ASPH: variants seen among roughly 807,000 people sequenced by gnomAD.
The protein encoded by ASPH is aspartyl/asparaginyl beta-hydroxylase.
In ASPH, 100 loss-of-function variants were observed where a neutral mutation model predicts 118.4. The observed-to-expected ratio is 0.84, with a 90% confidence interval of 0.72 to 1.00. The LOEUF (loss-of-function observed/expected upper bound fraction) is 1.00. Among genes scored for constraint, ASPH ranks in the 50% least tolerant of loss-of-function variants. ASPH has a pLI of 0.00. For missense variants in ASPH, 920 were observed against 919.5 expected, an observed-to-expected ratio of 1.00 and a Z score of -0.01; for synonymous variants, 315 against 325.6, an observed-to-expected ratio of 0.97 and a Z score of 0.35.
At chr8:61,512,311 T>A (rs956673524) in intron 24 of ASPH, among the ~76,000 whole-genome samples, 1 of 152,148 alleles carries the variant, frequency 6.6e-6, no homozygotes, top group Non-Finnish European at 1.5e-5. Context: ...TGAGATGAGA[T>A]CAACCTGGAT....
At chr8:61,668,301 A>G in intron 3 of ASPH, 1 of 1,589,956 alleles carries the variant, frequency 6.3e-7, no homozygotes, top group South Asian at 1.1e-5. Flanking sequence ...AGATGAAAAT[A>G]GGTTATAAAC....
chr8:61,641,106 T>A (rs1334436680), intron 10 of ASPH, among the ~76,000 whole-genome samples: 2 of 152,216 alleles, frequency 1.3e-5, no homozygotes. Context: ...ATGTTCTATA[T>A]AACAAAGAAA....
chr8:61,579,921 AAAAAAAAAAAAT>A (rs1325246949), intron 15 of ASPH, among the ~76,000 whole-genome samples: 6 of 149,636 alleles, frequency 4.0e-5, no homozygotes, highest in African/African-American at 7.3e-5. Context: ...AAAAAAAAAA[AAAAAAAAAAAAT>A]GGGAGAAATT....
intron 13 of ASPH, among the ~76,000 whole-genome samples, chr8:61,628,843 G>A (rs1854220789): frequency 1.3e-5 from 2 of 152,140 alleles, no homozygotes; most frequent in South Asian, 4.1e-4. Flanking sequence ...ATCTTCACTG[G>A]CCAGCACAGA....
chr8:61,682,952 A>C (rs190980872), intron 2 of ASPH, among the ~76,000 whole-genome samples: 63 of 152,268 alleles, frequency 4.1e-4, no homozygotes, highest in Non-Finnish European at 1.0e-4. Context: ...CAAAAAGTGG[A>C]AACAACCCAA....
chr8:61,674,562 G>A (rs1824305436), intron 3 of ASPH, among the ~76,000 whole-genome samples: 1 of 152,160 alleles, frequency 6.6e-6, no homozygotes, highest in South Asian at 2.1e-4. Flanking sequence ...TCCAAAAGTA[G>A]CTACAGAATG....
At chr8:61,563,926 C>A (rs796623210) in intron 17 of ASPH, among the ~76,000 whole-genome samples, 2 of 152,322 alleles carry the variant, frequency 1.3e-5, no homozygotes, top group African/African-American at 4.8e-5. Flanking sequence ...ACCACCATGT[C>A]ATTTTCACTA....
chr8:61,543,007 AT>A (rs2130636635), intron 21 of ASPH, among the ~76,000 whole-genome samples: 1 of 152,300 alleles, frequency 6.6e-6, no homozygotes, highest in African/African-American at 2.4e-5. Context: ...CAAGAATCTC[AT>A]TTTATTTGAT....
chr8:61,629,666 A>G lies in ASPH; in HGVS notation c.934+4017T>C, dbSNP rs551889639. Among the ~76,000 whole-genome samples the G allele has an allele frequency of 7.9e-5, 12 of 152,370 alleles. No homozygotes were observed. In the East Asian group the frequency reaches 2.3e-3, roughly 29 times the overall value. On this transcript the variant is annotated intron_variant, in intron 13 of 24. Transcript: ENST00000379454. Reference sequence around the variant, plus strand: ...AAACTACTGGACAACTTACTTTTCTACTATACATCATAACTCAACCTTTGA... The same window carrying G: ...AAACTACTGGACAACTTACTTTTCTGCTATACATCATAACTCAACCTTTGA...
rs546804681 is a variant in ASPH, at chr8:61,512,997, A to C, written c.2126+4531T>G. ...AATTTGAAATAATAATTTCATTTACAGTGGTAAGGGCTGCATACCTGCCAG... is the reference window on the plus strand; with the variant it reads ...AATTTGAAATAATAATTTCATTTACCGTGGTAAGGGCTGCATACCTGCCAG... On this transcript the variant is annotated intron_variant, in intron 24 of 24. Coordinates refer to ENST00000379454, the MANE Select transcript of ASPH (RefSeq NM_004318.4). Among the ~76,000 whole-genome samples, 104 of 152,348 alleles carry C rather than the reference A, an allele frequency of 6.8e-4. 1 individual carries two copies. Among genetic ancestry groups the C allele is most frequent in the African/African-American group, 2.4e-3 (101 of 41,576 alleles).
chr8:61,616,664 T>G (rs1315165069), intron 14 of ASPH, among the ~76,000 whole-genome samples: 1 of 152,206 alleles, frequency 6.6e-6, no homozygotes. Context: ...TGCTCCAGCT[T>G]CTTGGGCCCT....
At chr8:61,569,097 C>T (rs1286166082) in intron 16 of ASPH, among the ~76,000 whole-genome samples, 2 of 152,110 alleles carry the variant, frequency 1.3e-5, no homozygotes, top group Admixed American at 6.6e-5. Flanking sequence ...GGAGGGAAGG[C>T]AGAACATACA....
At chr8:61,652,369 C>T (rs773853255) in intron 4 of ASPH, among the ~76,000 whole-genome samples, 3 of 152,196 alleles carry the variant, frequency 2.0e-5, no homozygotes, top group Non-Finnish European at 2.9e-5. Context: ...AATACCTCCA[C>T]AACTGAGTCC....
chr8:61,617,925 G>A (rs1265509601), intron 14 of ASPH, among the ~76,000 whole-genome samples: 4 of 103,018 alleles, frequency 3.9e-5, no homozygotes, highest in Non-Finnish European at 5.6e-5. Flanking sequence ...ATAGTGAGAC[G>A]CCATCTCAAA....
chr8:61,662,848 T>C lies in ASPH; in HGVS notation c.323-9188A>G, dbSNP rs1817619482. 4.1e-6 allele frequency: 4 copies of C among 983,520 alleles called. No individual in the cohort carries two copies. The African/African-American group carries it at 5.2e-5, about 13-fold the overall frequency. 60.9% of individuals were successfully genotyped at this position (983,520 alleles called of 1,614,324 possible). ...TTCAAAGTACTTTACTAAATAGCAATAGACAATTCTTATGTGCTTTTGATG... is the reference window on the plus strand; with the variant it reads ...TTCAAAGTACTTTACTAAATAGCAACAGACAATTCTTATGTGCTTTTGATG... On this transcript the variant is annotated intron_variant, in intron 3 of 24. Transcript: ENST00000379454.
At chr8:61,658,366 G>C (rs1814892778) in intron 3 of ASPH, 4 of 152,202 alleles carry the variant, frequency 2.6e-5, no homozygotes, top group Admixed American at 2.0e-4. Context: ...CTGCCAATAA[G>C]GTTCCCAAGA....
chr8:61,559,348 G>A (rs1369510344), intron 18 of ASPH, among the ~76,000 whole-genome samples: 1 of 152,150 alleles, frequency 6.6e-6, no homozygotes, highest in African/African-American at 2.4e-5. Flanking sequence ...AGTTTTTGGG[G>A]AGTCAAAATG....
intron 12 of ASPH, among the ~76,000 whole-genome samples, chr8:61,636,845 A>T (rs1858019763): frequency 6.6e-6 from 1 of 152,118 alleles, no homozygotes; most frequent in Non-Finnish European, 1.5e-5. Context: ...CTCATAGAGA[A>T]CTGAGTAACA....
At chr8:61,581,039 A>G (rs1371631034) in intron 15 of ASPH, among the ~76,000 whole-genome samples, 3 of 152,208 alleles carry the variant, frequency 2.0e-5, no homozygotes, top group Non-Finnish European at 4.4e-5. Flanking sequence ...AAGAATAACA[A>G]TGTTCATAAC....
Sources: allele counts gnomAD v4.1 joint callset (sites outside exome capture counted in the v4.1 genomes callset), GRCh38; gene constraint gnomAD v4.1.1; transcripts MANE v1.5; gene names NCBI Gene and HGNC (gene_info 2026-07-23, HGNC 2026-07-21).